The following NAAA variants were observed in gnomAD, a reference collection of about 807,000 sequenced individuals.
The protein encoded by NAAA is N-acylethanolamine-hydrolyzing acid amidase.
Under a neutral mutation model 44.8 loss-of-function variants are expected in NAAA, and 39 were observed. The observed-to-expected ratio is 0.87, with a 90% CI of 0.67 to 1.14. The LOEUF is 1.14. Among genes scored for constraint, NAAA ranks in the 50% most tolerant of loss-of-function variants. The pLI is 0.00. For synonymous variants in NAAA, 178 were observed against 191.3 expected (o/e 0.93, Z 0.58); for missense variants, 460 against 467.8 (o/e 0.98, Z 0.15).
At chr4:75,935,609 C>G (rs1019604000) in intron 3 of NAAA, 9 of 155,424 alleles carry the variant, frequency 5.8e-5, no homozygotes, top group African/African-American at 2.2e-4. Flanking sequence ...ACATTTATAA[C>G]TATCGCAGTA....
At chr4:75,930,094 A>G (rs1727094582) in intron 4 of NAAA, among the ~76,000 whole-genome samples, 1 of 152,202 alleles carries the variant, frequency 6.6e-6, no homozygotes, top group African/African-American at 2.4e-5. Context: ...TCAAAAAAAC[A>G]AAAACAAACA....
intron 2 of NAAA, 79 bp from the exon 3 acceptor site, chr4:75,936,314 A>G: frequency 6.6e-7 from 1 of 1,510,188 alleles, no homozygotes; most frequent in Non-Finnish European, 9.0e-7. Context: ...CATTTGTAAA[A>G]CAAATCCTCA....
chr4:75,915,873 T>C (rs17001208), intron 9 of NAAA, among the ~76,000 whole-genome samples: 13,182 of 152,250 alleles, frequency 0.087, 992 homozygotes, highest in African/African-American at 0.2. Context: ...TGCCCACATG[T>C]ACACACATTT....
In NAAA at chr4:75,925,737, C is replaced by T. The variant is rs374808423; in HGVS notation, c.664G>A (p.Ala222Thr). 24 of 1,614,114 alleles carry T rather than the reference C, an allele frequency of 1.5e-5. No homozygotes were observed. The highest frequency in any genetic ancestry group is 1.2e-4 in the African/African-American group (9 of 75,028). Residue 222 changes from alanine (A) to threonine (T), a missense_variant and splice_region_variant, in exon 5 of 11, where the codon GCT (alanine) becomes ACT (threonine). Coordinates refer to ENST00000286733, the MANE Select transcript of NAAA (RefSeq NM_014435.4). The part of the protein sequence containing the change: ...RHIPVSWLIR[A>T]TLSESENFEA... ...GGCTCCACATTAAATATACTCACAG[C>T]GCGGATCAGCCAGCTGACGGGAATG...
chr4:75,936,107 A>T lies in NAAA; in HGVS notation c.498+2T>A. Reference sequence around the variant, plus strand: ...TTTTATCTTATATGGTACGGATTATACCTGCCCATTCTTTAAGAATTGCAC... The same window carrying T: ...TTTTATCTTATATGGTACGGATTATTCCTGCCCATTCTTTAAGAATTGCAC... On this transcript the variant is annotated splice_donor_variant, in intron 3 of 10. Transcript: ENST00000286733. LOFTEE classifies it high-confidence loss of function. 3 of 1,614,048 alleles carry T rather than the reference A, an allele frequency of 1.9e-6. No individual in the cohort carries two copies. Among genetic ancestry groups the T allele is most frequent in the Non-Finnish European group, 2.5e-6 (3 of 1,179,996 alleles).
chr4:75,940,759 A>G lies in NAAA; in HGVS notation c.191T>C (p.Met64Thr). Residue 64 changes from methionine (M) to threonine (T), a missense_variant, in exon 1 of 11, where the codon ATG (methionine) becomes ACG (threonine). Coordinates refer to ENST00000286733, the MANE Select transcript of NAAA (RefSeq NM_014435.4). ...HYDLDLVRAA[M>T]AQVIGDRVPK... The stretch of plus-strand genomic sequence containing the variant: ...CCCAGCTCACCCGATGACTTGCGCC[A>G]TCGCGGCGCGCACCAAGTCCAAGTC... The G allele has an allele frequency of 6.3e-7, 1 of 1,597,174 alleles. No individual in the cohort carries two copies. The highest frequency in any genetic ancestry group is 8.5e-7 in the Non-Finnish European group (1 of 1,178,290).
At chr4:75,923,092 T>A (rs1056373716) in intron 5 of NAAA, among the ~76,000 whole-genome samples, 2 of 152,008 alleles carry the variant, frequency 1.3e-5, no homozygotes, top group Non-Finnish European at 2.9e-5. Context: ...TTTACTTCTT[T>A]CCAGACATGG....
chr4:75,925,850 T>C (rs1726636131), intron 4 of NAAA, 39 bp from the exon 5 acceptor site: 7 of 1,541,088 alleles, frequency 4.5e-6, no homozygotes, highest in Non-Finnish European at 6.3e-6. Flanking sequence ...TGTGTGTGTA[T>C]ATATGTACAC....
intron 2 of NAAA, among the ~76,000 whole-genome samples, chr4:75,939,257 CCACGACA>C (rs1728001327): frequency 6.6e-6 from 1 of 152,088 alleles, no homozygotes; most frequent in African/African-American, 2.4e-5. Context: ...GACACTTCAG[CCACGACA>C]CACATGAAAG....
chr4:75,912,170 C>T (rs1043295045), downstream of NAAA, among the ~76,000 whole-genome samples: 12 of 152,216 alleles, frequency 7.9e-5, no homozygotes, highest in Non-Finnish European at 1.5e-4. Flanking sequence ...CTTCGCTTTG[C>T]CTGGTTAAAA....
chr4:75,940,940 C>T lies in NAAA; in HGVS notation c.10G>A (p.Ala4Thr), dbSNP rs1207206717. Residue 4 changes from alanine to threonine, a missense_variant, in exon 1 of 11, where the codon GCG becomes ACG. Ala to Thr is a moderately conservative substitution (Grantham distance 58, BLOSUM62 0). Coordinates refer to ENST00000286733, the MANE Select transcript of NAAA (RefSeq NM_014435.4). ...AGCCCCGGGCGCGCCTCCCGGTCCGCGGTCCGCATGGCTCGGGCTCCAGCG... is the reference window on the plus strand; with the variant it reads ...AGCCCCGGGCGCGCCTCCCGGTCCGTGGTCCGCATGGCTCGGGCTCCAGCG... MRTADREARPGLPS... is the reference protein window; with the variant it reads MRTTDREARPGLPS... 2 of 1,496,950 alleles carry T rather than the reference C, an allele frequency of 1.3e-6. No homozygotes were observed. The highest frequency in any genetic ancestry group is 4.3e-5 in the Admixed American group (2 of 46,518). The allele number at this position is 1,496,950 out of a possible 1,614,324, so 92.7% of individuals were successfully genotyped here. A position where few individuals can be genotyped will look rare whatever the true frequency, so the allele number is the denominator to read the frequency against.
At chr4:75,911,677 C>A (rs1405023844), downstream of NAAA, among the ~76,000 whole-genome samples, 2 of 152,160 alleles carry the variant, frequency 1.3e-5, no homozygotes, top group African/African-American at 4.8e-5. Flanking sequence ...AAAAACATCT[C>A]AAAAGACCAA....
intron 4 of NAAA, among the ~76,000 whole-genome samples, chr4:75,929,474 A>T (rs766564447): frequency 6.6e-6 from 1 of 152,198 alleles, no homozygotes; most frequent in Non-Finnish European, 1.5e-5. Flanking sequence ...CATTAAATGC[A>T]TATGTTGTAG....
rs1727208365 is a variant in NAAA, at chr4:75,931,280, T to C, written c.523A>G (p.Ile175Val). The change falls in exon 4 of 11, where the codon ATT becomes GTT. Residue 175 changes from isoleucine to valine, a missense_variant. Physicochemically the swap from Ile to Val is conservative, Grantham distance 29 (BLOSUM62 3). Coordinates refer to ENST00000286733, the MANE Select transcript of NAAA (RefSeq NM_014435.4). Reference protein sequence around the residue: ...GQIAFTGTTFIGYVGLWTGQS... With the variant: ...GQIAFTGTTFVGYVGLWTGQS... ...CCAGTCCATAATCCTACATAGCCAA[T>C]AAAAGTAGTTCCTGTGAATGCAATC... The C allele has an allele frequency of 6.2e-7, 1 of 1,611,460 alleles. No homozygotes were observed. The highest frequency in any genetic ancestry group is 8.5e-7 in the Non-Finnish European group (1 of 1,177,936).
chr4:75,923,965 A>G (rs1191560160), intron 5 of NAAA, among the ~76,000 whole-genome samples: 1 of 152,214 alleles, frequency 6.6e-6, no homozygotes. Flanking sequence ...TGCCCTATGC[A>G]AATGGTACAC....
downstream of NAAA, chr4:75,913,546 C>T (rs1270152605): frequency 4.4e-6 from 2 of 454,942 alleles, no homozygotes; most frequent in African/African-American, 4.3e-5. Flanking sequence ...TGTTCATTCC[C>T]TTGAATGCTG....
At chr4:75,931,366 G>C in intron 3 of NAAA, 62 bp from the exon 4 acceptor site, 1 of 1,235,674 alleles carries the variant, frequency 8.1e-7, no homozygotes, top group Non-Finnish European at 1.2e-6. Flanking sequence ...GAAATCACCT[G>C]TTCTGCCCCA....
chr4:75,918,633 G>T, intron 9 of NAAA, 128 bp downstream of exon 9: 16 of 845,708 alleles, frequency 1.9e-5, no homozygotes, highest in East Asian at 2.6e-5. Flanking sequence ...CCACAGGAGT[G>T]CCCCCACAGG....
At chr4:75,918,619 G>A (rs1458538194) in intron 9 of NAAA, 142 bp downstream of exon 9, 3 of 740,226 alleles carry the variant, frequency 4.1e-6, no homozygotes, top group Non-Finnish European at 6.9e-6. Context: ...GCTCGCAGCT[G>A]TACCCACAGG....
Sources: allele counts gnomAD v4.1 joint callset (sites outside exome capture counted in the v4.1 genomes callset), GRCh38; gene constraint gnomAD v4.1.1; transcripts MANE v1.5; gene names NCBI Gene and HGNC (gene_info 2026-07-23, HGNC 2026-07-21).